Variants in MLLT1 observed in about 807,000 individuals in gnomAD.
MLLT1 encodes the protein MLLT1 super elongation complex subunit, also known as protein ENL.
Under a neutral mutation model 55.1 loss-of-function variants are expected in MLLT1, and 11 were observed. The ratio of observed to expected loss-of-function variants is 0.20; its 90% CI spans 0.13 to 0.33. MLLT1 has a LOEUF of 0.33. Ranked by LOEUF, MLLT1 falls within the 10% of genes least tolerant of loss-of-function variation. The probability of loss-of-function intolerance (pLI) is 1.00; values close to 1 mark genes in which losing one functional copy is unlikely to be tolerated. For synonymous variants in MLLT1, 323 were observed against 320.1 expected, an observed-to-expected ratio of 1.01 and a Z score of -0.10; for missense variants, 536 against 760.6, an observed-to-expected ratio of 0.70 and a Z score of 3.47.
chr19:6,236,844 C>G (rs2091066129), intron 3 of MLLT1, among the ~76,000 whole-genome samples: 1 of 152,248 alleles, frequency 6.6e-6, no homozygotes. Context: ...GGCTGGCCAA[C>G]CAGCCCAGGT....
Position 6,262,674 on chromosome 19 carries a change from C to A in MLLT1, c.194-364G>T, listed in dbSNP as rs2144942330. Among the ~76,000 whole-genome samples, 1 of 152,214 alleles carries A rather than the reference C, an allele frequency of 6.6e-6. No individual in the cohort carries two copies. The highest frequency in any genetic ancestry group is 2.4e-5 in the African/African-American group (1 of 41,514). ...TCAGGTGGATGTCGGTAAGCGTGAC[C>A]TGGGTGAGGTGTGAAACCCAGCAGG... On this transcript the variant is annotated intron_variant, in intron 2 of 11. Coordinates refer to ENST00000252674, the MANE Select transcript of MLLT1 (RefSeq NM_005934.4). The surrounding 1 kb of genome is among the most constrained non-coding windows in gnomAD (Gnocchi z 4.4).
intron 3 of MLLT1, among the ~76,000 whole-genome samples, chr19:6,249,761 G>A (rs1013963121): frequency 6.6e-6 from 1 of 152,052 alleles, no homozygotes; most frequent in Non-Finnish European, 1.5e-5. Flanking sequence ...AGTGGCTCGC[G>A]CCTGTAATCC....
rs1452328034 is a variant in MLLT1, at chr19:6,229,988, T to C, written c.420+582A>G. ...GCTGTTCTGTGACCAGGCCTCAGCC[T>C]GCACGTCCCTCCCTCCACGCCCCCC... On this transcript the variant is annotated intron_variant, in intron 4 of 11. Coordinates refer to ENST00000252674, the MANE Select transcript of MLLT1 (RefSeq NM_005934.4). The surrounding 1 kb of genome is among the most constrained non-coding windows in gnomAD (Gnocchi z 5.2). Among the ~76,000 whole-genome samples, 2 of 152,112 alleles carry C rather than the reference T, an allele frequency of 1.3e-5. No individual in the cohort carries two copies. Among genetic ancestry groups the C allele is most frequent in the Non-Finnish European group, 2.9e-5 (2 of 68,002 alleles).
chr19:6,275,218 C>T (rs1428905414), intron 1 of MLLT1, among the ~76,000 whole-genome samples: 1 of 152,234 alleles, frequency 6.6e-6, no homozygotes, highest in African/African-American at 2.4e-5. Flanking sequence ...GGACTTCGCC[C>T]AGTGGTGGAA....
chr19:6,254,004 C>A (rs1012161984), intron 3 of MLLT1, among the ~76,000 whole-genome samples: 1 of 152,108 alleles, frequency 6.6e-6, no homozygotes, highest in Non-Finnish European at 1.5e-5. Flanking sequence ...GGAAGTGATA[C>A]GAGCATCTTT....
rs1442144166 is a variant in MLLT1, at chr19:6,219,675, TG to T, written c.1111-1635del. 1.3e-5 allele frequency among the ~76,000 whole-genome samples: 2 copies of T among 151,926 alleles called. No individual in the cohort carries two copies. The highest frequency in any genetic ancestry group is 2.9e-5 in the Non-Finnish European group (2 of 67,968). ...GGGTGGGCACCAACCTGGAGGGAGG[TG>T]GACTGGAGAAGTATCCAAGGTCCTG... On this transcript the variant is annotated intron_variant, in intron 6 of 11. Coordinates refer to ENST00000252674, the MANE Select transcript of MLLT1 (RefSeq NM_005934.4). This position sits in a 1 kb window ranked among gnomAD's most constrained non-coding sequence, Gnocchi z 4.5.
chr19:6,230,357 C>A lies in MLLT1; in HGVS notation c.420+213G>T, dbSNP rs2090997894. 6.6e-6 allele frequency among the ~76,000 whole-genome samples: 1 copy of A among 152,194 alleles called. No homozygotes were observed. Among genetic ancestry groups the A allele is most frequent in the Admixed American group, 6.5e-5 (1 of 15,282 alleles). On this transcript the variant is annotated intron_variant, in intron 4 of 11. Coordinates refer to ENST00000252674, the MANE Select transcript of MLLT1 (RefSeq NM_005934.4). This position sits in a 1 kb window ranked among gnomAD's most constrained non-coding sequence, Gnocchi z 9.0. ...AATTACCCATGGCCACCCAGAAGCA[C>A]AGGGTGACCAGCAACGAGTCACCTG...
chr19:6,250,916 G>A (rs1294210007), intron 3 of MLLT1, among the ~76,000 whole-genome samples: 1 of 152,202 alleles, frequency 6.6e-6, no homozygotes. Flanking sequence ...GCCGTGAAAA[G>A]GAATGCAGTT....
rs1447326099 is a variant in MLLT1 at position 6,226,507 on chromosome 19, T to C, written c.546+470A>G. 6.6e-6 allele frequency among the ~76,000 whole-genome samples: 1 copy of C among 152,118 alleles called. No individual in the cohort carries two copies. Among genetic ancestry groups the C allele is most frequent in the African/African-American group, 2.4e-5 (1 of 41,416 alleles). On this transcript the variant is annotated intron_variant, in intron 5 of 11. Coordinates refer to ENST00000252674, the MANE Select transcript of MLLT1 (RefSeq NM_005934.4). This position sits in a 1 kb window ranked among gnomAD's most constrained non-coding sequence, Gnocchi z 6.3. ...GGCACCCACCTGGCTTCCCCTGCCC[T>C]TCCCCCACGAAACTCTGCAGTGAGC...
intron 8 of MLLT1, among the ~76,000 whole-genome samples, chr19:6,214,457 C>T (rs1303228471): frequency 1.3e-5 from 2 of 152,216 alleles, no homozygotes; most frequent in Admixed American, 1.3e-4. Flanking sequence ...TCCGATGCTC[C>T]CCTGGCCGCC....
chr19:6,276,823 T>C (rs1036554834), intron 1 of MLLT1, among the ~76,000 whole-genome samples: 2 of 151,922 alleles, frequency 1.3e-5, no homozygotes, highest in African/African-American at 2.4e-5. Context: ...CGGGTTACGG[T>C]TGGGGCAAAG....
chr19:6,227,708 G>A lies in MLLT1; in HGVS notation c.421-606C>T, dbSNP rs150126457. Among the ~76,000 whole-genome samples, 27 of 152,314 alleles carry A rather than the reference G, an allele frequency of 1.8e-4. No individual in the cohort carries two copies. Among genetic ancestry groups the A allele is most frequent in the African/African-American group, 6.3e-4 (26 of 41,566 alleles). ...GCAAAGCAGGCCCGAGTGAGCCAGC[G>A]AGCCTGCAGCATGGGGCACCTGCTC... On this transcript the variant is annotated intron_variant, in intron 4 of 11. Coordinates refer to ENST00000252674, the MANE Select transcript of MLLT1 (RefSeq NM_005934.4). This position sits in a 1 kb window ranked among gnomAD's most constrained non-coding sequence, Gnocchi z 5.1.
At chr19:6,272,671 T>C (rs2091404898) in intron 1 of MLLT1, among the ~76,000 whole-genome samples, 1 of 152,242 alleles carries the variant, frequency 6.6e-6, no homozygotes, top group Admixed American at 6.5e-5. Flanking sequence ...TCTTAGCCTC[T>C]ATCTTGAAAC....
chr19:6,221,276 C>T (rs116714918), intron 6 of MLLT1, among the ~76,000 whole-genome samples: 1,710 of 152,302 alleles, frequency 0.011, 38 homozygotes, highest in African/African-American at 0.039. Flanking sequence ...TCATTTTTAC[C>T]GGGCCCAGTG....
At chr19:6,260,711 T>A (rs2091297394) in intron 3 of MLLT1, among the ~76,000 whole-genome samples, 1 of 152,206 alleles carries the variant, frequency 6.6e-6, no homozygotes, top group African/African-American at 2.4e-5. Flanking sequence ...TTGGGCACAG[T>A]GGCAAGTGCC....
In MLLT1 at chr19:6,230,462, C is replaced by T; in HGVS notation, c.420+108G>A. The stretch of plus-strand genomic sequence containing the variant: ...CTGGGTGCTGCCGTGTGACCTGCGC[C>T]TTGGGTCTCGGCCCCCAGCACCGAC... On this transcript the variant is annotated intron_variant, in intron 4 of 11. Transcript: ENST00000252674. This position sits in a 1 kb window ranked among gnomAD's most constrained non-coding sequence, Gnocchi z 9.0. 7.2e-7 allele frequency: 1 copy of T among 1,389,982 alleles called. No individual in the cohort carries two copies. Among genetic ancestry groups the T allele is most frequent in the Non-Finnish European group, 9.8e-7 (1 of 1,024,010 alleles). The allele number at this position is 1,389,982 out of a possible 1,614,324, so 86.1% of individuals were successfully genotyped here.
At chr19:6,224,401 C>G (rs2090933852) in intron 5 of MLLT1, among the ~76,000 whole-genome samples, 1 of 152,232 alleles carries the variant, frequency 6.6e-6, no homozygotes, top group African/African-American at 2.4e-5. Context: ...TGGGGCTGTG[C>G]TCCACAGCAA....
intron 1 of MLLT1, among the ~76,000 whole-genome samples, chr19:6,277,326 C>T (rs1368897642): frequency 1.3e-5 from 2 of 152,224 alleles, no homozygotes; most frequent in African/African-American, 4.8e-5. Flanking sequence ...CTTGCAAACA[C>T]TTCTGCAAGG....
At chr19:6,255,894 A>G (rs2091253081) in intron 3 of MLLT1, among the ~76,000 whole-genome samples, 1 of 152,230 alleles carries the variant, frequency 6.6e-6, no homozygotes, top group Admixed American at 6.5e-5. Flanking sequence ...TCGGGGCCCA[A>G]GGCGAAAGGA....
Sources: allele counts gnomAD v4.1 joint callset (sites outside exome capture counted in the v4.1 genomes callset), GRCh38; gene constraint gnomAD v4.1.1; non-coding constraint Gnocchi (gnomAD v3.1); transcripts MANE v1.5; gene names NCBI Gene and HGNC (gene_info 2026-07-23, HGNC 2026-07-21).